LIFR: variants seen among roughly 807,000 people sequenced by gnomAD.
LIFR encodes the protein LIF receptor subunit alpha, also known as leukemia inhibitory factor receptor.
LIFR carries 84 observed loss-of-function variants against 122.2 expected under a neutral mutation model. That is an observed-to-expected ratio of 0.69 (90% CI 0.58 to 0.82). The LOEUF is 0.82. LIFR is among the 40% of genes least tolerant of loss of function. LIFR has a pLI of 0.00. For synonymous variants in LIFR, 422 were observed against 434.7 expected (o/e 0.97, Z 0.36); for missense variants, 1,294 against 1,311.6 (o/e 0.99, Z 0.21).
chr5:38,546,022 AT>A (rs1216322353), intron 1 of LIFR, among the ~76,000 whole-genome samples: 3 of 152,220 alleles, frequency 2.0e-5, no homozygotes, highest in African/African-American at 7.2e-5. Context: ...TCTTAAAGAT[AT>A]TTAGTTGTTT....
intron 1 of LIFR, among the ~76,000 whole-genome samples, chr5:38,553,657 TA>T (rs1748354542): frequency 3.0e-5 from 3 of 101,130 alleles, no homozygotes; most frequent in African/African-American, 4.3e-5. Flanking sequence ...TATATATATA[TA>T]TATATATATA....
chr5:38,485,185 C>G (rs765658645), intron 17 of LIFR, among the ~76,000 whole-genome samples: 1 of 152,174 alleles, frequency 6.6e-6, no homozygotes, highest in Non-Finnish European at 1.5e-5. Context: ...GGCCTCTCAC[C>G]GCTAGATACC....
chr5:38,589,606 A>G (rs1749858857), intron 1 of LIFR, among the ~76,000 whole-genome samples: 1 of 152,324 alleles, frequency 6.6e-6, no homozygotes, highest in Non-Finnish European at 1.5e-5. Flanking sequence ...TGATAACCTT[A>G]TTCCATTAAA....
intron 10 of LIFR, 77 bp from the exon 11 acceptor site, chr5:38,502,876 T>G: frequency 1.2e-6 from 1 of 812,296 alleles, no homozygotes; most frequent in Non-Finnish European, 1.8e-6. Flanking sequence ...TACACATACA[T>G]ACACTTTTTT....
intron 1 of LIFR, among the ~76,000 whole-genome samples, chr5:38,591,162 T>A (rs1749909775): frequency 6.6e-6 from 1 of 152,216 alleles, no homozygotes; most frequent in Non-Finnish European, 1.5e-5. Flanking sequence ...AGAAGCAAGG[T>A]TTAGGGAGAG....
chr5:38,573,582 T>G lies in LIFR; in HGVS notation c.-20+21679A>C, dbSNP rs113200695. Among the ~76,000 whole-genome samples, 332 of 152,334 alleles carry G rather than the reference T, an allele frequency of 2.2e-3. 1 individual carries two copies. Among genetic ancestry groups the G allele is most frequent in the African/African-American group, 7.7e-3 (320 of 41,582 alleles). On this transcript the variant is annotated intron_variant, in intron 1 of 19. Coordinates refer to the LIFR transcript ENST00000263409. ...TTAAACAGAATTTCTTTTGCCAGCG[T>G]GTTGACCTTGTAAGTTACTGTTTAT...
At chr5:38,484,609 T>C (rs1744179348) in intron 18 of LIFR, among the ~76,000 whole-genome samples, 166 bp downstream of exon 18, 1 of 152,216 alleles carries the variant, frequency 6.6e-6, no homozygotes, top group Admixed American at 6.5e-5. Context: ...TTAAATAATA[T>C]GTCATGTTCT....
At chr5:38,578,914 T>C (rs1749487156) in intron 1 of LIFR, among the ~76,000 whole-genome samples, 1 of 152,152 alleles carries the variant, frequency 6.6e-6, no homozygotes, top group African/African-American at 2.4e-5. Flanking sequence ...CACCTTCAAG[T>C]GTACTGTCCT....
chr5:38,513,228 A>G (rs1160684294), intron 5 of LIFR, among the ~76,000 whole-genome samples: 1 of 152,230 alleles, frequency 6.6e-6, no homozygotes, highest in African/African-American at 2.4e-5. Flanking sequence ...GCAGATGGAT[A>G]ATGGTAACTG....
Position 38,510,708 on chromosome 5 carries a change from A to G in LIFR, c.747T>C (p.Asp249=). The change falls in exon 7 of 20, where the codon GAT becomes GAC. Residue 249 remains aspartate (D), a synonymous_variant. Transcript: ENST00000453190. ...SPVKNISWIP[D]SQTKVFPQDK... ...CTTGAGGAAAAACCTTAGTCTGAGA[A>G]TCAGGTATCCCTAGAAAGAAAAAGA... 1.1e-5 allele frequency: 18 copies of G among 1,609,988 alleles called. No homozygotes were observed. The highest frequency in any genetic ancestry group is 1.5e-5 in the Non-Finnish European group (18 of 1,176,424).
chr5:38,528,683 A>C, intron 3 of LIFR, 43 bp downstream of exon 3: 3 of 1,178,126 alleles, frequency 2.5e-6, no homozygotes, highest in Non-Finnish European at 3.7e-6. Flanking sequence ...TCGTTTCTGC[A>C]ATTCAACCTA....
At chr5:38,487,752 G>C (rs1290323798) in intron 16 of LIFR, among the ~76,000 whole-genome samples, 1 of 152,122 alleles carries the variant, frequency 6.6e-6, no homozygotes, top group Non-Finnish European at 1.5e-5. Context: ...TGAAACAGCG[G>C]AGAAGGGGAT....
chr5:38,581,637 C>G (rs1008592224), intron 1 of LIFR, among the ~76,000 whole-genome samples: 1 of 152,142 alleles, frequency 6.6e-6, no homozygotes, highest in Admixed American at 6.5e-5. Flanking sequence ...GTGAAATGAG[C>G]AGGTCCTTTC....
At chr5:38,572,004 G>T (rs1438279875) in intron 1 of LIFR, among the ~76,000 whole-genome samples, 5 of 152,178 alleles carry the variant, frequency 3.3e-5, no homozygotes, top group South Asian at 4.1e-4. Flanking sequence ...AAATAGGATT[G>T]TTTTTACTAT....
At chr5:38,558,111 A>T (rs968683437), upstream of LIFR, 1 of 152,050 alleles carries the variant, frequency 6.6e-6, no homozygotes, top group Non-Finnish European at 1.5e-5. Flanking sequence ...AGGAAAAAAA[A>T]TTTAGGTTTA....
At chr5:38,606,871 C>T (rs1333850037) in intron 1 of LIFR, among the ~76,000 whole-genome samples, 1 of 152,144 alleles carries the variant, frequency 6.6e-6, no homozygotes, top group Non-Finnish European at 1.5e-5. Context: ...GCAAGTGGTT[C>T]ATAAACCACT....
rs1166907451 is a variant in LIFR at position 38,506,081 on chromosome 5, A to C, written c.1122-7T>G. 1 of 1,566,240 alleles carries C rather than the reference A, an allele frequency of 6.4e-7. No individual in the cohort carries two copies. The highest frequency in any genetic ancestry group is 2.2e-5 in the East Asian group (1 of 44,486). On this transcript the variant is annotated splice_region_variant and splice_polypyrimidine_tract_variant and intron_variant, in intron 8 of 19. Coordinates refer to ENST00000453190, the MANE Select transcript of LIFR (RefSeq NM_001127671.2). Reference sequence around the variant, plus strand: ...AACATATTTTCCTGAAAAACTGTTAATTAACAGAAAAATAATTTCAAAATG... The same window carrying C: ...AACATATTTTCCTGAAAAACTGTTACTTAACAGAAAAATAATTTCAAAATG...
intron 1 of LIFR, among the ~76,000 whole-genome samples, chr5:38,555,674 G>A (rs1748482925): frequency 7.0e-6 from 1 of 142,694 alleles, no homozygotes; most frequent in African/African-American, 2.5e-5. Flanking sequence ...ATACCCAACT[G>A]CAAATAAAAG....
chr5:38,568,412 G>A (rs555796772), intron 1 of LIFR, among the ~76,000 whole-genome samples: 11 of 152,188 alleles, frequency 7.2e-5, no homozygotes, highest in Non-Finnish European at 1.3e-4. Context: ...ACTGCAAGGA[G>A]GTCAGTGTGG....
Sources: allele counts gnomAD v4.1 joint callset (sites outside exome capture counted in the v4.1 genomes callset), GRCh38; gene constraint gnomAD v4.1.1; transcripts MANE v1.5; gene names NCBI Gene and HGNC (gene_info 2026-07-23, HGNC 2026-07-21).